Variants in NSRP1 observed in about 807,000 individuals in gnomAD.
NSRP1 encodes nuclear speckle splicing regulatory protein 1, also known as coiled-coil domain containing 55.
A neutral mutation model predicts 54.7 loss-of-function variants in NSRP1; 24 were observed. That is an observed-to-expected ratio of 0.44 (90% CI 0.32 to 0.62). The LOEUF (loss-of-function observed/expected upper bound fraction) is 0.62. Among genes scored for constraint, NSRP1 ranks in the 20% least tolerant of loss-of-function variants. The pLI is 0.06. For missense variants in NSRP1, 596 were observed against 651.2 expected, an observed-to-expected ratio of 0.92 and a Z score of 0.92; for synonymous variants, 210 against 213.8, an observed-to-expected ratio of 0.98 and a Z score of 0.15.
chr17:30,132,935 A>G (rs964390621), intron 2 of NSRP1, among the ~76,000 whole-genome samples: 1 of 152,142 alleles, frequency 6.6e-6, no homozygotes, highest in African/African-American at 2.4e-5. Context: ...TGTAGAGTTT[A>G]TGAAATGTAT....
chr17:30,185,181 A>G lies in NSRP1; in HGVS notation c.1184A>G (p.Asp395Gly), dbSNP rs780521815. The change falls in exon 7 of 7, where the codon GAT becomes GGT. Residue 395 changes from aspartate (D) to glycine (G), a missense_variant. By Grantham distance (94) the Asp-to-Gly change is moderately conservative. Coordinates refer to ENST00000247026, the MANE Select transcript of NSRP1 (RefSeq NM_032141.4). ...TATTCCCAAAGAGAACAAGAAAGAG[A>G]TAGACAACAAAATGATCAGAACCGA... is the stretch of plus-strand genomic sequence containing the variant. Reference protein sequence around the residue: ...EKYSQREQERDRQQNDQNRPS... With the variant: ...EKYSQREQERGRQQNDQNRPS... 2 of 1,574,392 alleles carry G rather than the reference A, an allele frequency of 1.3e-6. No individual in the cohort carries two copies. The highest frequency in any genetic ancestry group is 2.3e-5 in the South Asian group (2 of 86,750).
At chr17:30,152,803 A>G (rs971798222) in intron 2 of NSRP1, among the ~76,000 whole-genome samples, 1 of 151,024 alleles carries the variant, frequency 6.6e-6, no homozygotes, top group African/African-American at 2.4e-5. Context: ...TGTTCTTCAC[A>G]TACGTTTCTC....
At chr17:30,180,836 C>T in intron 5 of NSRP1, 72 bp from the exon 6 acceptor site, 1 of 951,958 alleles carries the variant, frequency 1.1e-6, no homozygotes, top group Non-Finnish European at 1.7e-6. Flanking sequence ...ATGTTATATA[C>T]TGTATGTCTG....
chr17:30,146,842 G>T (rs2071860141), intron 2 of NSRP1, among the ~76,000 whole-genome samples: 1 of 151,702 alleles, frequency 6.6e-6, no homozygotes, highest in South Asian at 2.1e-4. Flanking sequence ...CTGCCCACCT[G>T]GGCCTCACAA....
At chr17:30,138,968 A>G (rs2071777918) in intron 2 of NSRP1, among the ~76,000 whole-genome samples, 1 of 114,984 alleles carries the variant, frequency 8.7e-6, no homozygotes, top group African/African-American at 3.4e-5. Context: ...CCCAGGCTGG[A>G]GTGCAGTGGC....
chr17:30,134,687 A>G (rs1809267601), intron 2 of NSRP1, among the ~76,000 whole-genome samples: 2 of 152,228 alleles, frequency 1.3e-5, no homozygotes, highest in African/African-American at 4.8e-5. Flanking sequence ...GCCTGATTCA[A>G]GTCCATGCTT....
At chr17:30,136,041 C>A (rs1324565380) in intron 2 of NSRP1, among the ~76,000 whole-genome samples, 1 of 151,782 alleles carries the variant, frequency 6.6e-6, no homozygotes, top group Non-Finnish European at 1.5e-5. Context: ...GGTGAAACCA[C>A]GTCTCTACTA....
chr17:30,137,806 T>G (rs565058216), intron 2 of NSRP1, among the ~76,000 whole-genome samples: 18 of 152,358 alleles, frequency 1.2e-4, no homozygotes, highest in African/African-American at 4.3e-4. Context: ...TGGTGTATTA[T>G]TCTTTAAATG....
chr17:30,123,552 G>A (rs934389581), intron 2 of NSRP1, among the ~76,000 whole-genome samples: 2 of 151,994 alleles, frequency 1.3e-5, no homozygotes, highest in Non-Finnish European at 1.5e-5. Flanking sequence ...AATATCCTTC[G>A]AAGCACAAAA....
At chr17:30,145,255 G>A (rs8071792) in intron 2 of NSRP1, among the ~76,000 whole-genome samples, 3,566 of 152,184 alleles carry the variant, frequency 0.023, 134 homozygotes, top group African/African-American at 0.082. Flanking sequence ...ATATTCAGGG[G>A]TGGGATTTCT....
rs959030892 is a variant in NSRP1 at position 30,168,916 on chromosome 17, A to T, written c.115-3626A>T. On this transcript the variant is annotated intron_variant, in intron 2 of 6. Coordinates refer to ENST00000247026, the MANE Select transcript of NSRP1 (RefSeq NM_032141.4). ...TTCAAAAGATCATCAGTTTTTCCTG[A>T]CTTTTTCAGGTTAGGTTCAGAGTTA... The T allele has an allele frequency of 3.3e-5, 5 of 151,966 alleles. 1 individual carries two copies. Among genetic ancestry groups the T allele is most frequent in the Non-Finnish European group, 7.4e-5 (5 of 67,894 alleles). 9.4% of individuals were successfully genotyped at this position (151,966 alleles called of 1,614,324 possible).
At chr17:30,133,343 A>C (rs147258737) in intron 2 of NSRP1, among the ~76,000 whole-genome samples, 177 of 152,212 alleles carry the variant, frequency 1.2e-3, no homozygotes, top group African/African-American at 4.0e-3. Flanking sequence ...TAGGCCTGAA[A>C]ACAACATTCA....
intron 2 of NSRP1, among the ~76,000 whole-genome samples, chr17:30,133,943 A>T (rs144580549): frequency 1.1e-4 from 17 of 152,348 alleles, no homozygotes; most frequent in African/African-American, 3.6e-4. Flanking sequence ...GTTTGACTGC[A>T]AGAAGCCTAG....
chr17:30,130,616 C>G (rs926761968), intron 2 of NSRP1, among the ~76,000 whole-genome samples: 1 of 152,024 alleles, frequency 6.6e-6, no homozygotes, highest in African/African-American at 2.4e-5. Context: ...GTGATTTTTT[C>G]TGGTACTTAA....
At chr17:30,158,394 C>T (rs532841495) in intron 2 of NSRP1, among the ~76,000 whole-genome samples, 155 of 147,322 alleles carry the variant, frequency 1.1e-3, no homozygotes, top group African/African-American at 3.7e-3. Flanking sequence ...ATTTTGTAAA[C>T]GTTTTCTCTC....
intron 3 of NSRP1, among the ~76,000 whole-genome samples, chr17:30,175,203 T>TTCCC (rs1905086564): frequency 6.6e-6 from 1 of 152,200 alleles, no homozygotes; most frequent in Non-Finnish European, 1.5e-5. Context: ...TATGTTTCCC[T>TTCCC]CTAAGTACTT....
intron 2 of NSRP1, among the ~76,000 whole-genome samples, chr17:30,130,979 T>G (rs2071694550): frequency 6.6e-6 from 1 of 152,192 alleles, no homozygotes. Context: ...TTATGGCACT[T>G]ATATTCTCAA....
At chr17:30,172,301 C>G (rs573485658) in intron 2 of NSRP1, among the ~76,000 whole-genome samples, 1 of 152,210 alleles carries the variant, frequency 6.6e-6, no homozygotes, top group Non-Finnish European at 1.5e-5. Context: ...ATCTGAAAAT[C>G]AAAAATCCTA....
chr17:30,143,242 T>C (rs1320663867), intron 2 of NSRP1, among the ~76,000 whole-genome samples: 1 of 152,194 alleles, frequency 6.6e-6, no homozygotes, highest in African/African-American at 2.4e-5. Flanking sequence ...TATCAAAAGC[T>C]GGAAATAAAA....
Sources: gnomAD v4.1 joint callset for allele counts (sites outside exome capture counted in the v4.1 genomes callset) on GRCh38, gnomAD v4.1.1 for gene constraint, MANE v1.5 for transcripts, NCBI Gene and HGNC (gene_info 2026-07-23, HGNC 2026-07-21) for gene names.